Variants in LUC7L2 observed in about 807,000 individuals in gnomAD.
LUC7L2 encodes putative RNA-binding protein Luc7-like 2.
LUC7L2 carries 25 observed loss-of-function variants against 52.8 expected under a neutral mutation model. The observed-to-expected ratio is 0.47, with a 90% CI of 0.34 to 0.66. LUC7L2 has a LOEUF of 0.66. Ranked by LOEUF, LUC7L2 falls within the 30% of genes least tolerant of loss-of-function variation. The probability of loss-of-function intolerance (pLI) is 0.01; values close to 1 mark genes in which losing one functional copy is unlikely to be tolerated. For missense variants in LUC7L2, 328 were observed against 497.8 expected (o/e 0.66, Z 3.25); for synonymous variants, 144 against 160.9 (o/e 0.89, Z 0.80).
intron 2 of LUC7L2, among the ~76,000 whole-genome samples, chr7:139,380,876 G>T (rs2355786): frequency 0.39 from 58,590 of 151,918 alleles, 15,784 homozygotes; most frequent in African/African-American, 0.77. Context: ...CCTAGTGATC[G>T]GGAAAAAAGA....
At chr7:139,401,578 G>A (rs1585118904) in intron 3 of LUC7L2, among the ~76,000 whole-genome samples, 1 of 151,778 alleles carries the variant, frequency 6.6e-6, no homozygotes, top group South Asian at 2.1e-4. Context: ...TCAGCCTCCC[G>A]AGTAGCTGGG....
intron 1 of LUC7L2, among the ~76,000 whole-genome samples, chr7:139,364,804 G>A (rs761164294): frequency 6.6e-6 from 1 of 152,172 alleles, no homozygotes; most frequent in African/African-American, 2.4e-5. Context: ...CATCTTTACT[G>A]TAATCTGTGT....
At chr7:139,415,216 ATCT>A (rs977072161) in intron 8 of LUC7L2, among the ~76,000 whole-genome samples, 22 of 145,574 alleles carry the variant, frequency 1.5e-4, no homozygotes, top group African/African-American at 4.7e-4. Context: ...CCAGCAATAG[ATCT>A]TTTTTTTTTT....
At chr7:139,407,479 G>A in intron 6 of LUC7L2, 129 bp downstream of exon 6, 1 of 1,063,738 alleles carries the variant, frequency 9.4e-7, no homozygotes. Flanking sequence ...AACAGTGTAG[G>A]ATTATAGATG....
At chr7:139,340,905 C>G (rs1798915410) in intron 1 of LUC7L2, among the ~76,000 whole-genome samples, 1 of 151,914 alleles carries the variant, frequency 6.6e-6, no homozygotes, top group Non-Finnish European at 1.5e-5. Context: ...AGAATCTGCA[C>G]ACACCCATGT....
At chr7:139,386,627 C>T (rs572960129) in intron 2 of LUC7L2, among the ~76,000 whole-genome samples, 19 of 150,742 alleles carry the variant, frequency 1.3e-4, no homozygotes, top group South Asian at 8.4e-4. Flanking sequence ...AGGATGGTCT[C>T]GATCTCCTGA....
At chr7:139,415,054 G>GTTTTTTTTTTTTTT (rs1171809951) in intron 8 of LUC7L2, among the ~76,000 whole-genome samples, 3 of 54,184 alleles carry the variant, frequency 5.5e-5, no homozygotes, top group African/African-American at 1.3e-4. Flanking sequence ...GCCCTGCTAA[G>GTTTTTTTTTTTTTT]TTTTTTTTTT....
intron 2 of LUC7L2, among the ~76,000 whole-genome samples, chr7:139,387,655 TGTG>T: frequency 6.6e-6 from 1 of 152,290 alleles, no homozygotes; most frequent in Admixed American, 6.5e-5. Context: ...ACGCAAAACT[TGTG>T]GTGGTTCTGT....
chr7:139,348,146 A>C (rs2131151633), intron 1 of LUC7L2, among the ~76,000 whole-genome samples: 1 of 151,720 alleles, frequency 6.6e-6, no homozygotes, highest in East Asian at 1.9e-4. Flanking sequence ...TATTGAATAT[A>C]TACAATAATA....
intron 2 of LUC7L2, among the ~76,000 whole-genome samples, chr7:139,377,003 A>G (rs1331590311): frequency 6.6e-6 from 1 of 152,222 alleles, no homozygotes; most frequent in Non-Finnish European, 1.5e-5. Flanking sequence ...AGAGAGATGT[A>G]TCAAGGCATA....
intron 5 of LUC7L2, among the ~76,000 whole-genome samples, 173 bp from the exon 6 acceptor site, chr7:139,407,001 G>GTTTTTTTTTTTTTTTTTT (rs58914782): frequency 9.1e-6 from 1 of 110,456 alleles, no homozygotes. Flanking sequence ...TGCTTTTGTG[G>GTTTTTTTTTTTTTTTTTT]TTTTTTTTTT....
At chr7:139,411,848 T>G (rs1390605480) in intron 7 of LUC7L2, among the ~76,000 whole-genome samples, 1 of 150,706 alleles carries the variant, frequency 6.6e-6, no homozygotes, top group Non-Finnish European at 1.5e-5. Context: ...AATTTCACTC[T>G]TTTCCCAGAA....
At chr7:139,340,503 G>C in exon 1 of LUC7L2, 1 of 398,538 alleles carries the variant, frequency 2.5e-6, no homozygotes, top group Non-Finnish European at 4.4e-6. Context: ...CCGGAGCATC[G>C]GTGCAGTTTC....
intron 1 of LUC7L2, among the ~76,000 whole-genome samples, chr7:139,348,094 G>C (rs1011348308): frequency 6.6e-6 from 1 of 151,938 alleles, no homozygotes. Flanking sequence ...AAAGCAAAAG[G>C]GTGAGGATAG....
rs75333661 is a variant in LUC7L2, at chr7:139,366,791, C to T, written c.61+6469C>T. Among the ~76,000 whole-genome samples the T allele has an allele frequency of 2.4e-3, 358 of 152,216 alleles. 4 individuals carry two copies. Among genetic ancestry groups the T allele is most frequent in the African/African-American group, 8.3e-3 (344 of 41,506 alleles). On this transcript the variant is annotated intron_variant, in intron 1 of 9. Coordinates refer to ENST00000354926, the MANE Select transcript of LUC7L2 (RefSeq NM_016019.5). ...ATTCAGCATCACCTCAGCATCACGT[C>T]GTATTGTTAGAAATATAAATTCTTG... is the stretch of plus-strand genomic sequence containing the variant.
intron 1 of LUC7L2, chr7:139,363,374 G>C: frequency 2.6e-6 from 1 of 385,188 alleles, no homozygotes; most frequent in Non-Finnish European, 3.6e-6. Flanking sequence ...AGGCATCATG[G>C]GCTAAGGAAA....
At chr7:139,394,354 A>G (rs1585111374) in intron 2 of LUC7L2, among the ~76,000 whole-genome samples, 1 of 152,194 alleles carries the variant, frequency 6.6e-6, no homozygotes. Context: ...CCTCTCATGC[A>G]TCTTCCCCAT....
intron 1 of LUC7L2, chr7:139,345,623 T>C (rs145330852): frequency 1.1e-4 from 177 of 1,614,152 alleles, no homozygotes; most frequent in Middle Eastern, 1.6e-4. Flanking sequence ...ATGGCAAGGG[T>C]GAGCGCTCGG....
chr7:139,377,933 T>G (rs1055453965), intron 2 of LUC7L2, among the ~76,000 whole-genome samples: 1 of 140,692 alleles, frequency 7.1e-6, no homozygotes, highest in African/African-American at 2.7e-5. Context: ...TTCTCCCACC[T>G]CAACCTCCCA....
Sources: allele counts gnomAD v4.1 joint callset (sites outside exome capture counted in the v4.1 genomes callset), GRCh38; gene constraint gnomAD v4.1.1; transcripts MANE v1.5; gene names NCBI Gene and HGNC (gene_info 2026-07-23, HGNC 2026-07-21).